Variants in ADGRL2 observed in about 807,000 individuals in gnomAD.
ADGRL2 encodes the protein calcium-independent alpha-latrotoxin receptor 2.
In ADGRL2, 44 loss-of-function variants were observed where a neutral mutation model predicts 157.4. The ratio of observed to expected loss-of-function variants is 0.28; its 90% confidence interval spans 0.22 to 0.36. ADGRL2 has a LOEUF of 0.36. Among genes scored for constraint, ADGRL2 ranks in the 10% least tolerant of loss-of-function variants. The pLI, the probability that ADGRL2 is intolerant of heterozygous loss-of-function variation, is 1.00. For missense variants in ADGRL2, 1,510 were observed against 1,768.9 expected, an observed-to-expected ratio of 0.85 and a Z score of 2.63; for synonymous variants, 585 against 624.7, an observed-to-expected ratio of 0.94 and a Z score of 0.95.
At chr1:81,525,937 G>A (rs1242919532) in intron 2 of ADGRL2, among the ~76,000 whole-genome samples, 1 of 152,174 alleles carries the variant, frequency 6.6e-6, no homozygotes, top group African/African-American at 2.4e-5. Context: ...AATAAGGAAA[G>A]ATAAGCATAA....
At position 81,616,911 on chromosome 1, in the gene ADGRL2, C is replaced by A. The variant is rs182678020; in HGVS notation, c.-143+35931C>A. 3.0e-3 allele frequency among the ~76,000 whole-genome samples: 455 copies of A among 152,274 alleles called. 3 individuals are homozygous for A. Among genetic ancestry groups the A allele is most frequent in the Admixed American group, 0.024 (373 of 15,294 alleles). ...CAGGCTGGTCGCAAAAGCCAGGGCT[C>A]AAGCAATCTGCCCACCTTGGCCTCC... On this transcript the variant is annotated intron_variant, in intron 3 of 24. Transcript: ENST00000370721.
intron 3 of ADGRL2, among the ~76,000 whole-genome samples, chr1:81,661,148 A>T (rs1460654518): frequency 3.3e-5 from 5 of 152,090 alleles, no homozygotes; most frequent in African/African-American, 1.2e-4. Context: ...AAATGTTCAA[A>T]TTTAAATATC....
chr1:81,916,981 A>AT (rs1305662830), intron 3 of ADGRL2, among the ~76,000 whole-genome samples: 21 of 151,764 alleles, frequency 1.4e-4, no homozygotes, highest in South Asian at 4.2e-4. Flanking sequence ...GAGAAAAAAA[A>AT]AATACATATA....
chr1:81,629,675 G>A (rs970531331), intron 3 of ADGRL2, among the ~76,000 whole-genome samples: 102 of 95,752 alleles, frequency 1.1e-3, no homozygotes, highest in Admixed American at 3.4e-3. Flanking sequence ...ATATGTGTGT[G>A]TGTGTGTGTG....
At chr1:81,336,114 G>T (rs1252561086) in intron 1 of ADGRL2, among the ~76,000 whole-genome samples, 1 of 152,126 alleles carries the variant, frequency 6.6e-6, no homozygotes, top group Non-Finnish European at 1.5e-5. Flanking sequence ...TCTCATTCCT[G>T]ATTAACGTTC....
chr1:81,516,216 G>A (rs1403572348), intron 2 of ADGRL2, among the ~76,000 whole-genome samples: 1 of 152,074 alleles, frequency 6.6e-6, no homozygotes, highest in Admixed American at 6.6e-5. Flanking sequence ...TACAAAAATA[G>A]CATGCATTTT....
chr1:81,314,364 T>A (rs1659964101), intron 1 of ADGRL2, among the ~76,000 whole-genome samples: 1 of 152,188 alleles, frequency 6.6e-6, no homozygotes, highest in Non-Finnish European at 1.5e-5. Context: ...AATGTCCAGT[T>A]TGCATTAACA....
At chr1:81,358,567 A>T (rs976255732) in intron 1 of ADGRL2, among the ~76,000 whole-genome samples, 4 of 152,138 alleles carry the variant, frequency 2.6e-5, no homozygotes, top group African/African-American at 9.6e-5. Flanking sequence ...GAACATATGA[A>T]ATTTTCTTTC....
Position 81,943,536 on chromosome 1 carries a change from A to T in ADGRL2, c.977A>T (p.Tyr326Phe), listed in dbSNP as rs1057250852. Residue 326 changes from tyrosine (Y) to phenylalanine (F), a missense_variant, in exon 6 of 24, where the codon TAT becomes TTT. Physicochemically the swap from Tyr to Phe is conservative, Grantham distance 22. This residue lies in a region of ADGRL2 where 361 missense variants were observed against 498.4 expected (regional missense o/e 0.72). Coordinates refer to ENST00000686636, the MANE Select transcript of ADGRL2 (RefSeq NM_001366006.2). This position sits in a 1 kb window ranked among gnomAD's most constrained non-coding sequence, Gnocchi z 5.6. The part of the protein sequence containing the change: ...SNAFMICGVL[Y>F]VVRSVYQDNE... ...GCTTTTATGATATGCGGAGTCCTCT[A>T]TGTGGTTAGGTCAGTTTATCAAGAC... is the stretch of plus-strand genomic sequence containing the variant. The T allele has an allele frequency of 1.2e-6, 2 of 1,613,654 alleles. No individual in the cohort carries two copies. The highest frequency in any genetic ancestry group is 1.7e-6 in the Non-Finnish European group (2 of 1,179,768).
intron 1 of ADGRL2, among the ~76,000 whole-genome samples, chr1:81,387,346 T>C (rs2076455704): frequency 6.6e-6 from 1 of 152,202 alleles, no homozygotes; most frequent in African/African-American, 2.4e-5. Flanking sequence ...AGTACTTCTG[T>C]CATAAACTTT....
intron 2 of ADGRL2, among the ~76,000 whole-genome samples, chr1:81,843,972 T>C (rs2092694485): frequency 6.6e-6 from 1 of 152,172 alleles, no homozygotes; most frequent in South Asian, 2.1e-4. Flanking sequence ...AGTAGGTCTG[T>C]TGTTGGCGGA....
intron 3 of ADGRL2, among the ~76,000 whole-genome samples, chr1:81,633,595 C>CAA (rs369967142): frequency 0.18 from 8,653 of 49,316 alleles, 943 homozygotes; most frequent in Non-Finnish European, 0.22. Context: ...GACTCTGTCT[C>CAA]AAAAAAAAAA....
chr1:81,635,213 C>T (rs187417926), intron 3 of ADGRL2, among the ~76,000 whole-genome samples: 4 of 152,124 alleles, frequency 2.6e-5, no homozygotes, highest in Non-Finnish European at 4.4e-5. Context: ...ATTGGCTTTC[C>T]TCTCTCCGTG....
intron 2 of ADGRL2, among the ~76,000 whole-genome samples, chr1:81,792,569 A>C (rs2087400153): frequency 6.6e-6 from 1 of 152,194 alleles, no homozygotes; most frequent in African/African-American, 2.4e-5. Flanking sequence ...CTTGTTATTC[A>C]AAAGATAAAT....
At chr1:81,780,937 C>A (rs2149380547) in intron 2 of ADGRL2, among the ~76,000 whole-genome samples, 1 of 152,294 alleles carries the variant, frequency 6.6e-6, no homozygotes. Flanking sequence ...GGATGCATGA[C>A]AATACATCCT....
chr1:81,329,365 G>A (rs531047785), intron 1 of ADGRL2, among the ~76,000 whole-genome samples: 1 of 152,178 alleles, frequency 6.6e-6, no homozygotes, highest in East Asian at 1.9e-4. Context: ...CTGAGAGACA[G>A]TTTTGTAGAC....
chr1:81,364,787 C>T (rs1181770051), intron 1 of ADGRL2, among the ~76,000 whole-genome samples: 6 of 151,606 alleles, frequency 4.0e-5, no homozygotes, highest in Non-Finnish European at 1.5e-5. Flanking sequence ...GCAACCTACA[C>T]CTCCCAGGTT....
chr1:81,583,428 T>C (rs1487439578), intron 3 of ADGRL2, among the ~76,000 whole-genome samples: 1 of 152,122 alleles, frequency 6.6e-6, no homozygotes, highest in Admixed American at 6.6e-5. Flanking sequence ...TGAAGCAATA[T>C]TTTAAACTGG....
intron 1 of ADGRL2, among the ~76,000 whole-genome samples, chr1:81,323,141 A>G (rs1461795791): frequency 6.6e-6 from 1 of 152,152 alleles, no homozygotes; most frequent in Non-Finnish European, 1.5e-5. Flanking sequence ...TACAGGTGTG[A>G]GCCACCGTGC....
Sources: gnomAD v4.1 joint callset for allele counts (sites outside exome capture counted in the v4.1 genomes callset) on GRCh38, gnomAD v4.1.1 for gene constraint, gnomAD v4.1.1 regional missense constraint, Gnocchi (gnomAD v3.1) non-coding constraint, MANE v1.5 for transcripts, NCBI Gene and HGNC (gene_info 2026-07-23, HGNC 2026-07-21) for gene names.